Variants in RAD51AP2 observed in about 807,000 individuals in gnomAD.
RAD51AP2 encodes the protein RAD51-associated protein 2.
Under a neutral mutation model 85.5 loss-of-function variants are expected in RAD51AP2, and 67 were observed. That is an observed-to-expected ratio of 0.78 (90% CI 0.64 to 0.96). RAD51AP2 has a LOEUF of 0.96. Among genes scored for constraint, RAD51AP2 ranks in the 40% least tolerant of loss-of-function variants. The pLI, the probability that RAD51AP2 is intolerant of heterozygous loss-of-function variation, is 0.00. For missense variants in RAD51AP2, 1,307 were observed against 1,332.4 expected (o/e 0.98, Z 0.30); for synonymous variants, 474 against 446.5 (o/e 1.06, Z -0.78).
the RAD51AP2 span, among the ~76,000 whole-genome samples, chr2:17,525,645 G>T: frequency 6.6e-6 from 1 of 152,014 alleles, no homozygotes; most frequent in African/African-American, 2.4e-5. Flanking sequence ...AGAGAAGAAA[G>T]TTGCTTTGCA....
Position 17,517,932 on chromosome 2 carries a change from T to G in RAD51AP2, c.484A>C (p.Thr162Pro), listed in dbSNP as rs944321204. 1 of 1,614,180 alleles carries G rather than the reference T, an allele frequency of 6.2e-7. No homozygotes were observed. Among genetic ancestry groups the G allele is most frequent in the Non-Finnish European group, 8.5e-7 (1 of 1,180,026 alleles). ...KAGVSQLLPS[T>P]SIHDIHGIRN... The stretch of plus-strand genomic sequence containing the variant: ...ATTCCATGTATATCGTGTATAGAGG[T>G]GCTGGGCAGAAGTTGACTAACCCCT... The change falls in exon 1 of 3, where the codon ACC becomes CCC. Residue 162 changes from threonine to proline, a missense_variant. Thr to Pro is a conservative substitution (Grantham distance 38). Coordinates refer to ENST00000399080, the MANE Select transcript of RAD51AP2 (RefSeq NM_001099218.3).
At position 17,516,241 on chromosome 2, in the gene RAD51AP2, G is replaced by A; in HGVS notation, c.2175C>T (p.His725=). ...QQVVNVENWA[H]YNSSTVKAHG... is the part of the protein sequence containing the mutation. ...GTGCTTTAACAGTACTAGAATTATA[G>A]TGAGCCCAATTTTCCACATTCACAA... Residue 725 remains histidine, a synonymous_variant, in exon 1 of 3, where the codon CAC becomes CAT. Coordinates refer to ENST00000399080, the MANE Select transcript of RAD51AP2 (RefSeq NM_001099218.3). 2 of 1,612,216 alleles carry A rather than the reference G, an allele frequency of 1.2e-6. No individual in the cohort carries two copies. Among genetic ancestry groups the A allele is most frequent in the Non-Finnish European group, 1.7e-6 (2 of 1,179,556 alleles).
At chr2:17,520,884 C>A (rs576237175), upstream of RAD51AP2, among the ~76,000 whole-genome samples, 2 of 152,122 alleles carry the variant, frequency 1.3e-5, no homozygotes, top group South Asian at 4.1e-4. Context: ...CCTTAAATGG[C>A]CCTACTCAAA....
At position 17,516,396 on chromosome 2, in the gene RAD51AP2, T is replaced by C. The variant is rs1385611728; in HGVS notation, c.2020A>G (p.Thr674Ala). 6.2e-7 allele frequency: 1 copy of C among 1,610,752 alleles called. No individual in the cohort carries two copies. Among genetic ancestry groups the C allele is most frequent in the Non-Finnish European group, 8.5e-7 (1 of 1,178,724 alleles). Reference sequence around the variant, plus strand: ...AAAATCGGAAAACCTGTATTTTGAGTTGTCATACTGAAGGAATTAATGAGT... The same window carrying C: ...AAAATCGGAAAACCTGTATTTTGAGCTGTCATACTGAAGGAATTAATGAGT... Reference protein sequence around the residue: ...KKLINSFSMTTQNTGFPIFET... With the variant: ...KKLINSFSMTAQNTGFPIFET... The change falls in exon 1 of 3, where the codon ACT becomes GCT. Residue 674 changes from threonine (T) to alanine (A), a missense_variant. Physicochemically the swap from Thr to Ala is moderately conservative, Grantham distance 58. This residue lies in a region of RAD51AP2 where 668 missense variants were observed against 671.0 expected (regional missense o/e 1.00). Coordinates refer to ENST00000399080, the MANE Select transcript of RAD51AP2 (RefSeq NM_001099218.3).
rs750565565 is a variant in RAD51AP2 at position 17,517,380 on chromosome 2, T to C, written c.1036A>G (p.Ile346Val). The change falls in exon 1 of 3, where the codon ATC becomes GTC. Residue 346 changes from isoleucine to valine, a missense_variant. Transcript: ENST00000399080. ...SQNTCKRKDL[I>V]SSNYCNCSSI... is the part of the protein sequence containing the mutation. ...CTGCAGTTACAGTAGTTTGAACTGA[T>C]CAAGTCTTTTCTCTTACAAGTATTT... 5.6e-6 allele frequency: 9 copies of C among 1,613,816 alleles called. No individual in the cohort carries two copies. The highest frequency in any genetic ancestry group is 2.5e-6 in the Non-Finnish European group (3 of 1,179,908).
the RAD51AP2 span, among the ~76,000 whole-genome samples, chr2:17,533,470 T>C: frequency 6.6e-6 from 1 of 152,226 alleles, no homozygotes; most frequent in African/African-American, 2.4e-5. Context: ...TCTAACAATA[T>C]CAAATTCATA....
the RAD51AP2 span, among the ~76,000 whole-genome samples, chr2:17,535,120 A>C: frequency 1.3e-5 from 2 of 152,214 alleles, no homozygotes; most frequent in Non-Finnish European, 2.9e-5. Flanking sequence ...ACTGTCTGCT[A>C]TGTGGTAGGA....
At chr2:17,521,979 T>C (rs962566367), upstream of RAD51AP2, among the ~76,000 whole-genome samples, 8 of 152,048 alleles carry the variant, frequency 5.3e-5, no homozygotes, top group Non-Finnish European at 7.4e-5. Context: ...TTATCCATAA[T>C]GTATCATCTT....
At chr2:17,511,865 T>C (rs1243665174) in intron 2 of RAD51AP2, among the ~76,000 whole-genome samples, 1 of 151,972 alleles carries the variant, frequency 6.6e-6, no homozygotes, top group African/African-American at 2.4e-5. Context: ...ATAAAATCAG[T>C]TTATTATACT....
Position 17,511,776 on chromosome 2 carries a change from T to C in RAD51AP2, c.3329-821A>G, listed in dbSNP as rs1662500592. Among the ~76,000 whole-genome samples, 2 of 152,146 alleles carry C rather than the reference T, an allele frequency of 1.3e-5. 1 individual carries two copies. Among genetic ancestry groups the C allele is most frequent in the South Asian group, 4.1e-4 (2 of 4,832 alleles). On this transcript the variant is annotated intron_variant, in intron 2 of 2. Transcript: ENST00000399080. ...CTGAACCAAAAAGAATCTGTATGTATCTATGTAAACTTTAATGAAGTAGAA... is the reference window on the plus strand; with the variant it reads ...CTGAACCAAAAAGAATCTGTATGTACCTATGTAAACTTTAATGAAGTAGAA...
At chr2:17,514,711 A>G (rs1442026547) in intron 1 of RAD51AP2, among the ~76,000 whole-genome samples, 1 of 152,148 alleles carries the variant, frequency 6.6e-6, no homozygotes, top group East Asian at 1.9e-4. Flanking sequence ...CAGAGGTTAC[A>G]GTGAGCCGAG....
intron 2 of RAD51AP2, among the ~76,000 whole-genome samples, chr2:17,513,663 G>A (rs1203317658): frequency 6.6e-6 from 1 of 152,136 alleles, no homozygotes; most frequent in East Asian, 1.9e-4. Context: ...ACAATGAGAA[G>A]CATAGAGCAT....
chr2:17,512,081 T>C (rs774836485), intron 2 of RAD51AP2, among the ~76,000 whole-genome samples: 1 of 152,144 alleles, frequency 6.6e-6, no homozygotes, highest in Non-Finnish European at 1.5e-5. Context: ...CTCAAAATAA[T>C]TTCAATACTG....
At chr2:17,514,499 C>T (rs866931509) in intron 1 of RAD51AP2, among the ~76,000 whole-genome samples, 1 of 150,292 alleles carries the variant, frequency 6.7e-6, no homozygotes, top group Admixed American at 6.7e-5. Flanking sequence ...TGGTGGCTCA[C>T]GCTTGTAATC....
chr2:17,524,042 A>G, the RAD51AP2 span, among the ~76,000 whole-genome samples: 5 of 151,982 alleles, frequency 3.3e-5, no homozygotes, highest in Non-Finnish European at 5.9e-5. Context: ...CCTTGTCTCT[A>G]AAGAATGCAT....
chr2:17,516,992 G>C lies in RAD51AP2; in HGVS notation c.1424C>G (p.Thr475Arg), dbSNP rs771570880. Reference sequence around the variant, plus strand: ...TCCTTTACCATTTAGCCAAACAGTCGTTATTAAAGCTGTCTGACTACCTAA... The same window carrying C: ...TCCTTTACCATTTAGCCAAACAGTCCTTATTAAAGCTGTCTGACTACCTAA... ...EILGSQTALI[T>R]TVWLNGKGEN... The change falls in exon 1 of 3, where the codon ACG (threonine) becomes AGG (arginine). Residue 475 changes from threonine (T) to arginine (R), a missense_variant. By Grantham distance (71) the Thr-to-Arg change is moderately conservative (BLOSUM62 -1). This residue lies in a region of RAD51AP2 where 635 missense variants were observed against 643.6 expected (regional missense o/e 0.99). Coordinates refer to ENST00000399080, the MANE Select transcript of RAD51AP2 (RefSeq NM_001099218.3). 63 of 1,598,460 alleles carry C rather than the reference G, an allele frequency of 3.9e-5. No homozygotes were observed. Among genetic ancestry groups the C allele is most frequent in the Non-Finnish European group, 5.2e-5 (61 of 1,175,660 alleles).
chr2:17,514,539 G>GGT (rs1292303308), intron 1 of RAD51AP2, among the ~76,000 whole-genome samples: 2 of 128,698 alleles, frequency 1.6e-5, no homozygotes, highest in Non-Finnish European at 3.8e-5. Flanking sequence ...AGGGCGGCGG[G>GGT]GGGGGTGGAT....
upstream of RAD51AP2, among the ~76,000 whole-genome samples, chr2:17,520,529 A>G (rs138891429): frequency 1.6e-3 from 237 of 152,254 alleles, no homozygotes; most frequent in African/African-American, 5.4e-3. Context: ...TGAGCTTTAA[A>G]GACAGCATCT....
chr2:17,514,109 A>G lies in RAD51AP2; in HGVS notation c.3248-17T>C. ...TTTCACAATCTGAAAATAAAGAGTG[A>G]TATGTTACAGCAAAAAGTAACTTTT... On this transcript the variant is annotated splice_polypyrimidine_tract_variant and intron_variant, in intron 1 of 2. Transcript: ENST00000399080. The G allele has an allele frequency of 7.1e-7, 1 of 1,408,950 alleles. No homozygotes were observed. Among genetic ancestry groups the G allele is most frequent in the African/African-American group, 1.4e-5 (1 of 70,208 alleles). The allele number at this position is 1,408,950 out of a possible 1,614,324, so 87.3% of individuals were successfully genotyped here. A position where few individuals can be genotyped will look rare whatever the true frequency, so the allele number is the denominator to read the frequency against.
Sources: gnomAD v4.1 joint callset for allele counts (sites outside exome capture counted in the v4.1 genomes callset) on GRCh38, gnomAD v4.1.1 for gene constraint, gnomAD v4.1.1 regional missense constraint, MANE v1.5 for transcripts, NCBI Gene and HGNC (gene_info 2026-07-23, HGNC 2026-07-21) for gene names.